The following CLASP2 variants were observed in gnomAD, a reference collection of about 807,000 sequenced individuals.
CLASP2 encodes the protein CLIP-associating protein 2.
Under a neutral mutation model 194.4 loss-of-function variants are expected in CLASP2, and 47 were observed. The observed-to-expected ratio is 0.24, with a 90% CI of 0.19 to 0.31. CLASP2 has a LOEUF of 0.31. CLASP2 is among the 10% of genes least tolerant of loss of function. The pLI is 1.00. For synonymous variants in CLASP2, 619 were observed against 633.5 expected (o/e 0.98, Z 0.34); for missense variants, 1,445 against 1,823.6 (o/e 0.79, Z 3.78).
intron 7 of CLASP2, among the ~76,000 whole-genome samples, chr3:33,650,145 TAA>T (rs34159187): frequency 1.3e-5 from 2 of 152,202 alleles, no homozygotes; most frequent in African/African-American, 2.4e-5. Context: ...TGAAAAATTA[TAA>T]AAAGTGACAT....
At chr3:33,659,107 T>A in intron 7 of CLASP2, 1 of 1,479,494 alleles carries the variant, frequency 6.8e-7, no homozygotes, top group East Asian at 2.5e-5. Context: ...GAGCACTGTG[T>A]GACCCAGGCC....
At chr3:33,685,342 C>CAAAA (rs56240569) in intron 5 of CLASP2, among the ~76,000 whole-genome samples, 1,110 of 48,134 alleles carry the variant, frequency 0.023, 145 homozygotes, top group Non-Finnish European at 0.032. Context: ...AACTCCGTCT[C>CAAAA]AAAAAAAAAA....
At chr3:33,525,342 A>G (rs1035995030) in intron 34 of CLASP2, among the ~76,000 whole-genome samples, 2 of 152,172 alleles carry the variant, frequency 1.3e-5, no homozygotes, top group Admixed American at 6.5e-5. Context: ...GACCAGAAGT[A>G]GCTAGTGTAC....
At chr3:33,606,386 T>G (rs1388723528) in intron 16 of CLASP2, among the ~76,000 whole-genome samples, 1 of 152,174 alleles carries the variant, frequency 6.6e-6, no homozygotes, top group African/African-American at 2.4e-5. Flanking sequence ...ATATGAATCA[T>G]AGAACTCTTT....
chr3:33,524,392 T>C (rs9811226), intron 34 of CLASP2, among the ~76,000 whole-genome samples: 60,451 of 151,946 alleles, frequency 0.4, 12,317 homozygotes, highest in Admixed American at 0.52. Flanking sequence ...CCTGTAATAC[T>C]AGCACTTTGT....
rs1285721036 is a variant in CLASP2 at position 33,559,395 on chromosome 3, G to A, written c.2931-10C>T. 1.3e-6 allele frequency: 2 copies of A among 1,557,240 alleles called. No individual in the cohort carries two copies. The highest frequency in any genetic ancestry group is 4.6e-5 in the East Asian group (2 of 43,858). On this transcript the variant is annotated splice_polypyrimidine_tract_variant and intron_variant, in intron 28 of 38. Transcript: ENST00000682230. ...ATTTGGAAAAGACTCTCTGAAACAA[G>A]AACAAAGCAAAACGAAACAAAAATT...
At chr3:33,617,398 T>C (rs1255401012) in intron 12 of CLASP2, among the ~76,000 whole-genome samples, 1 of 152,138 alleles carries the variant, frequency 6.6e-6, no homozygotes, top group Non-Finnish European at 1.5e-5. Context: ...TGGCTTTGTA[T>C]TGGGGGAAAT....
chr3:33,527,122 CAG>C (rs1347287512), intron 34 of CLASP2, among the ~76,000 whole-genome samples: 1 of 152,026 alleles, frequency 6.6e-6, no homozygotes, highest in African/African-American at 2.4e-5. Context: ...AAATAAAAAT[CAG>C]AGCTGAAATG....
At chr3:33,631,619 C>T (rs1267016000) in intron 9 of CLASP2, among the ~76,000 whole-genome samples, 1 of 151,952 alleles carries the variant, frequency 6.6e-6, no homozygotes, top group African/African-American at 2.4e-5. Context: ...ATCACTTTAA[C>T]CCAGAAGGCA....
chr3:33,625,896 A>AT (rs915961106), intron 10 of CLASP2, among the ~76,000 whole-genome samples: 6 of 151,980 alleles, frequency 3.9e-5, no homozygotes, highest in African/African-American at 1.4e-4. Context: ...CATTTTTCTA[A>AT]TAAAAAAAAA....
At chr3:33,677,269 G>A (rs1323430542) in intron 6 of CLASP2, among the ~76,000 whole-genome samples, 2 of 151,880 alleles carry the variant, frequency 1.3e-5, no homozygotes, top group African/African-American at 2.4e-5. Context: ...GTTTATTGCG[G>A]CATTATTCAC....
At position 33,718,195 on chromosome 3, in the gene CLASP2, G is replaced by A. The variant is rs897244770; in HGVS notation, c.-193C>T. 19 of 394,402 alleles carry A rather than the reference G, an allele frequency of 4.8e-5. No individual in the cohort carries two copies. The highest frequency in any genetic ancestry group is 1.1e-4 in the African/African-American group (5 of 46,934). The allele number at this position is 394,402 out of a possible 1,614,324, so 24.4% of individuals were successfully genotyped here. A position where few individuals can be genotyped will look rare whatever the true frequency, so the allele number is the denominator to read the frequency against. On this transcript the variant is annotated 5_prime_UTR_variant, in exon 1 of 39. Transcript: ENST00000682230. The stretch of plus-strand genomic sequence containing the variant: ...CGCCCCCAAACTAGTCAAACTCGGC[G>A]CCCCCCGATCCCCAGCCCGCTTCAG...
intron 13 of CLASP2, among the ~76,000 whole-genome samples, chr3:33,610,194 T>C (rs2074849153): frequency 6.6e-6 from 1 of 152,240 alleles, no homozygotes; most frequent in African/African-American, 2.4e-5. Context: ...TCAATCACTT[T>C]CATAGCTGGA....
chr3:33,593,418 C>A (rs1285911692), intron 20 of CLASP2, among the ~76,000 whole-genome samples: 1 of 152,060 alleles, frequency 6.6e-6, no homozygotes, highest in African/African-American at 2.4e-5. Context: ...GTAGGGTATA[C>A]ATGAAATACT....
At chr3:33,552,055 C>T (rs1042994017) in intron 29 of CLASP2, among the ~76,000 whole-genome samples, 3 of 149,066 alleles carry the variant, frequency 2.0e-5, no homozygotes, top group Non-Finnish European at 4.4e-5. Context: ...ATGAGTTATA[C>T]AAGTACCACT....
chr3:33,693,208 T>C (rs1171583510), intron 2 of CLASP2, among the ~76,000 whole-genome samples: 2 of 152,090 alleles, frequency 1.3e-5, no homozygotes, highest in Non-Finnish European at 2.9e-5. Flanking sequence ...AAGAATTACA[T>C]TAATAGAGCT....
intron 38 of CLASP2, 138 bp downstream of exon 38, chr3:33,501,514 G>A: frequency 1.7e-6 from 1 of 574,570 alleles, no homozygotes; most frequent in Non-Finnish European, 3.1e-6. Context: ...ATACAAAACA[G>A]AAATAATAAG....
chr3:33,556,064 T>C (rs1258522017), intron 29 of CLASP2, among the ~76,000 whole-genome samples: 7 of 152,182 alleles, frequency 4.6e-5, no homozygotes, highest in South Asian at 2.1e-4. Flanking sequence ...AATTCTTTAA[T>C]TGTTTGTGAA....
intron 34 of CLASP2, among the ~76,000 whole-genome samples, chr3:33,530,980 C>A (rs1278521336): frequency 6.6e-6 from 1 of 152,128 alleles, no homozygotes; most frequent in Non-Finnish European, 1.5e-5. Context: ...GAAAAATTAT[C>A]CTAAAATTCA....
Sources: allele counts gnomAD v4.1 joint callset (sites outside exome capture counted in the v4.1 genomes callset), GRCh38; gene constraint gnomAD v4.1.1; transcripts MANE v1.5; gene names NCBI Gene and HGNC (gene_info 2026-07-23, HGNC 2026-07-21).